Variants in WASF3 observed in about 807,000 individuals in gnomAD.
WASF3 encodes the protein actin-binding protein WASF3.
A neutral mutation model predicts 46.6 loss-of-function variants in WASF3; 11 were observed. That is an observed-to-expected ratio of 0.24 (90% CI 0.15 to 0.39). The LOEUF (loss-of-function observed/expected upper bound fraction) is 0.39, where lower values mean the gene tolerates loss of function less well. Among genes scored for constraint, WASF3 ranks in the 10% least tolerant of loss-of-function variants. The pLI is 1.00. For synonymous variants in WASF3, 242 were observed against 259.7 expected (o/e 0.93, Z 0.65); for missense variants, 576 against 669.8 (o/e 0.86, Z 1.55).
rs1438492303 is a variant in WASF3 at position 26,566,442 on chromosome 13, T to A, written c.-109+8623T>A. 2.0e-5 allele frequency among the ~76,000 whole-genome samples: 3 copies of A among 152,230 alleles called. No individual in the cohort carries two copies. In the East Asian group the frequency reaches 5.8e-4, roughly 29 times the overall value. ...GAAATGAATACATCAAAACCTGTACTATCAATAAAGTTCTAGTCTCCGTGG... is the reference window on the plus strand; with the variant it reads ...GAAATGAATACATCAAAACCTGTACAATCAATAAAGTTCTAGTCTCCGTGG... On this transcript the variant is annotated intron_variant, in intron 1 of 9. Transcript: ENST00000335327.
At chr13:26,583,318 C>T (rs991221361) in intron 1 of WASF3, among the ~76,000 whole-genome samples, 1 of 152,180 alleles carries the variant, frequency 6.6e-6, no homozygotes, top group African/African-American at 2.4e-5. Context: ...GGTTAAGAAA[C>T]GGAAAGGTTC....
At chr13:26,649,167 G>A (rs1398661796) in intron 3 of WASF3, among the ~76,000 whole-genome samples, 1 of 152,160 alleles carries the variant, frequency 6.6e-6, no homozygotes, top group East Asian at 1.9e-4. Flanking sequence ...GCAGCCTAAA[G>A]TAGTAGTCTT....
chr13:26,638,958 A>G (rs1881911560), intron 2 of WASF3, among the ~76,000 whole-genome samples: 2 of 152,270 alleles, frequency 1.3e-5, no homozygotes, highest in Middle Eastern at 3.4e-3. Flanking sequence ...TTCTTCTCTC[A>G]CCATGTGATC....
At chr13:26,627,724 A>G (rs1335487592) in intron 2 of WASF3, among the ~76,000 whole-genome samples, 2 of 152,096 alleles carry the variant, frequency 1.3e-5, no homozygotes, top group Non-Finnish European at 2.9e-5. Flanking sequence ...AGTATAACCA[A>G]GTATGTGTGT....
intron 2 of WASF3, among the ~76,000 whole-genome samples, chr13:26,634,349 C>T (rs1221275102): frequency 1.3e-5 from 2 of 152,130 alleles, no homozygotes; most frequent in African/African-American, 4.8e-5. Context: ...GTAGATCTTC[C>T]TCCATCCCTT....
At chr13:26,541,651 T>C in the WASF3 span, among the ~76,000 whole-genome samples, 2 of 151,876 alleles carry the variant, frequency 1.3e-5, no homozygotes, top group Non-Finnish European at 2.9e-5. Flanking sequence ...CCCACTTTTT[T>C]TTTTCTTTTT....
At chr13:26,617,999 C>T (rs1292729509) in intron 2 of WASF3, among the ~76,000 whole-genome samples, 2 of 152,094 alleles carry the variant, frequency 1.3e-5, no homozygotes, top group African/African-American at 4.8e-5. Context: ...CTGAGGCCTC[C>T]CCAGCCACGT....
intron 7 of WASF3, among the ~76,000 whole-genome samples, chr13:26,677,693 A>C (rs17084473): frequency 0.035 from 5,399 of 152,290 alleles, 331 homozygotes; most frequent in African/African-American, 0.12. Context: ...TAAATATTAG[A>C]GAATTATTGG....
chr13:26,642,135 T>A (rs1882016966), intron 2 of WASF3, 126 bp from the exon 3 acceptor site: 1 of 1,042,946 alleles, frequency 9.6e-7, no homozygotes, highest in Non-Finnish European at 1.3e-6. Context: ...TTTAGCTGAT[T>A]CTGTCACATA....
At chr13:26,594,151 T>G (rs1283307140) in intron 1 of WASF3, among the ~76,000 whole-genome samples, 1 of 152,212 alleles carries the variant, frequency 6.6e-6, no homozygotes, top group Non-Finnish European at 1.5e-5. Flanking sequence ...TCCTGGAATT[T>G]CATTCTTAAT....
intron 1 of WASF3, among the ~76,000 whole-genome samples, chr13:26,586,980 G>A (rs913561089): frequency 6.6e-6 from 1 of 151,440 alleles, no homozygotes; most frequent in Non-Finnish European, 1.5e-5. Context: ...GCACACACCT[G>A]TAGTCCTGGC....
In WASF3 at chr13:26,572,908, G is replaced by A. The variant is rs181727774; in HGVS notation, c.-109+15089G>A. Among the ~76,000 whole-genome samples, 207 of 152,178 alleles carry A rather than the reference G, an allele frequency of 1.4e-3. 1 individual carries two copies. Among genetic ancestry groups the A allele is most frequent in the African/African-American group, 4.9e-3 (202 of 41,508 alleles). ...CTGTTAATATTTTATTTCAGAATTT[G>A]GCATTAATATTCATATGTGATATTG... On this transcript the variant is annotated intron_variant, in intron 1 of 9. Coordinates refer to ENST00000335327, the MANE Select transcript of WASF3 (RefSeq NM_006646.6).
At chr13:26,566,570 C>T (rs966911022) in intron 1 of WASF3, among the ~76,000 whole-genome samples, 3 of 152,152 alleles carry the variant, frequency 2.0e-5, no homozygotes, top group South Asian at 2.1e-4. Flanking sequence ...ATGTTGGGGT[C>T]GTCATGGGTT....
At chr13:26,611,031 CTTTTTTTTTT>C (rs71080282) in intron 1 of WASF3, among the ~76,000 whole-genome samples, 20 of 110,550 alleles carry the variant, frequency 1.8e-4, no homozygotes, top group Non-Finnish European at 2.8e-4. Context: ...TTACTTACTC[CTTTTTTTTTT>C]TTTTTTTTTT....
chr13:26,680,315 G>C (rs374645001), intron 7 of WASF3: 36 of 1,259,602 alleles, frequency 2.9e-5, no homozygotes, highest in Middle Eastern at 5.7e-4. Flanking sequence ...AGCCAGGAGC[G>C]TGTGACTGTC....
At chr13:26,547,260 T>C in the WASF3 span, among the ~76,000 whole-genome samples, 1 of 152,210 alleles carries the variant, frequency 6.6e-6, no homozygotes, top group African/African-American at 2.4e-5. Context: ...TTGAATATAT[T>C]TGATGAGATA....
rs1171131349 is a variant in WASF3, at chr13:26,688,650, C to CA, written c.*2807dup. 1 of 152,144 alleles carries CA rather than the reference C, an allele frequency of 6.6e-6. No homozygotes were observed. Among genetic ancestry groups the CA allele is most frequent in the Non-Finnish European group, 1.5e-5 (1 of 68,030 alleles). 9.4% of individuals were successfully genotyped at this position (152,144 alleles called of 1,614,324 possible). On this transcript the variant is annotated 3_prime_UTR_variant, in exon 10 of 10. Transcript: ENST00000335327. ...GAACATCAAAATGTTTTCTGAGCTC[C>CA]AAGTGGCTAGGTTGTAAAAGTTTTA...
At chr13:26,565,618 A>G (rs1042396094) in intron 1 of WASF3, among the ~76,000 whole-genome samples, 2 of 152,236 alleles carry the variant, frequency 1.3e-5, no homozygotes, top group Non-Finnish European at 2.9e-5. Context: ...AGAAATACAC[A>G]GTAACCCCCT....
chr13:26,672,770 C>T (rs756595983), intron 6 of WASF3, among the ~76,000 whole-genome samples: 10 of 152,092 alleles, frequency 6.6e-5, no homozygotes, highest in Non-Finnish European at 1.5e-4. Context: ...GAGTTGATAG[C>T]CTTAGGGTTT....
Sources: gnomAD v4.1 joint callset for allele counts (sites outside exome capture counted in the v4.1 genomes callset) on GRCh38, gnomAD v4.1.1 for gene constraint, MANE v1.5 for transcripts, NCBI Gene and HGNC (gene_info 2026-07-23, HGNC 2026-07-21) for gene names.